Variants in PDGFRL observed in about 807,000 individuals in gnomAD.
PDGFRL encodes platelet derived growth factor receptor like.
Under a neutral mutation model 37.2 loss-of-function variants are expected in PDGFRL, and 46 were observed. That is an observed-to-expected ratio of 1.24 (90% CI 0.98 to 1.58). The LOEUF (loss-of-function observed/expected upper bound fraction) is 1.58. PDGFRL is among the 40% of genes most tolerant of loss of function. PDGFRL has a pLI of 0.00. For missense variants in PDGFRL, 692 were observed against 467.6 expected, an observed-to-expected ratio of 1.48 and a Z score of -4.43; for synonymous variants, 251 against 184.3, an observed-to-expected ratio of 1.36 and a Z score of -2.93.
chr8:17,590,150 G>A (rs112570977), intron 2 of PDGFRL, among the ~76,000 whole-genome samples: 16,413 of 148,138 alleles, frequency 0.11, 1,533 homozygotes, highest in African/African-American at 0.26. Context: ...AGAATGGTGC[G>A]AACCTGGGAG....
intron 3 of PDGFRL, among the ~76,000 whole-genome samples, chr8:17,625,756 A>C (rs1804721572): frequency 6.6e-6 from 1 of 152,234 alleles, no homozygotes; most frequent in African/African-American, 2.4e-5. Flanking sequence ...TGGGAGGCCA[A>C]GGCAGGAGGA....
intron 2 of PDGFRL, among the ~76,000 whole-genome samples, chr8:17,610,584 G>A (rs2129714618): frequency 6.6e-6 from 1 of 152,220 alleles, no homozygotes; most frequent in East Asian, 1.9e-4. Context: ...TGAGTTATAT[G>A]GTCACAAAGT....
chr8:17,592,226 C>A lies in PDGFRL; in HGVS notation c.353+2461C>A, dbSNP rs2720581. ...ATGAAAAGTAATGATGAAAAACCAC[C>A]ATTGCTTTTGCGCCAACCTAATACA... On this transcript the variant is annotated intron_variant, in intron 2 of 5. Coordinates refer to ENST00000251630, the MANE Select transcript of PDGFRL (RefSeq NM_001372073.1). Among the ~76,000 whole-genome samples, 39 of 152,256 alleles carry A rather than the reference C, an allele frequency of 2.6e-4. No homozygotes were observed. In the East Asian group the frequency reaches 5.8e-3, roughly 23 times the overall value.
At chr8:17,582,177 G>T (rs1440390331) in intron 1 of PDGFRL, among the ~76,000 whole-genome samples, 1 of 152,144 alleles carries the variant, frequency 6.6e-6, no homozygotes, top group African/African-American at 2.4e-5. Context: ...TGGCTGCATT[G>T]TGTCCATGCC....
At chr8:17,635,612 A>G (rs1170682711) in intron 5 of PDGFRL, among the ~76,000 whole-genome samples, 1 of 152,126 alleles carries the variant, frequency 6.6e-6, no homozygotes, top group Non-Finnish European at 1.5e-5. Flanking sequence ...TTTTCATATT[A>G]TGACTTCTTT....
At chr8:17,609,512 C>T in intron 2 of PDGFRL, among the ~76,000 whole-genome samples, 1 of 150,504 alleles carries the variant, frequency 6.6e-6, no homozygotes, top group South Asian at 2.1e-4. Context: ...GTGGCGTGCA[C>T]CTGTAATCCT....
At chr8:17,586,730 C>G (rs1009763824) in intron 1 of PDGFRL, among the ~76,000 whole-genome samples, 8 of 152,164 alleles carry the variant, frequency 5.3e-5, no homozygotes, top group Admixed American at 2.0e-4. Context: ...ACTCATTTAA[C>G]TCCCACAGTA....
chr8:17,585,618 A>G (rs907141573), intron 1 of PDGFRL, among the ~76,000 whole-genome samples: 75 of 152,156 alleles, frequency 4.9e-4, no homozygotes, highest in African/African-American at 1.4e-3. Context: ...AGAAGAATGT[A>G]TGGTGTGGTT....
At chr8:17,628,945 C>T (rs573001670) in intron 4 of PDGFRL, among the ~76,000 whole-genome samples, 165 bp downstream of exon 4, 2 of 151,850 alleles carry the variant, frequency 1.3e-5, no homozygotes, top group East Asian at 3.9e-4. Flanking sequence ...GAGACAGGGT[C>T]CCGTTTTGTT....
At position 17,620,905 on chromosome 8, in the gene PDGFRL, C is replaced by T. The variant is rs1804616737; in HGVS notation, c.354-146C>T. On this transcript the variant is annotated intron_variant, in intron 2 of 5. Coordinates refer to ENST00000251630, the MANE Select transcript of PDGFRL (RefSeq NM_001372073.1). ...TACTTTAAGTTCTAGGGGTGTTTGA[C>T]AAGTCAAACACATTCTTATATTACT... is the stretch of plus-strand genomic sequence containing the variant. 9.8e-6 allele frequency: 4 copies of T among 406,188 alleles called. No homozygotes were observed. The Admixed American group carries it at 1.8e-4, about 18-fold the overall frequency. The allele number at this position is 406,188 out of a possible 1,614,324, so 25.2% of individuals were successfully genotyped here.
At chr8:17,642,521 C>T in intron 5 of PDGFRL, 92 bp from the exon 6 acceptor site, 2 of 762,180 alleles carry the variant, frequency 2.6e-6, no homozygotes, top group South Asian at 3.0e-5. Context: ...GCTTTGCTCT[C>T]TGAAAGGAAC....
intron 3 of PDGFRL, among the ~76,000 whole-genome samples, chr8:17,621,929 T>C (rs1804644479): frequency 6.6e-6 from 1 of 152,196 alleles, no homozygotes; most frequent in Non-Finnish European, 1.5e-5. Flanking sequence ...TGCTTCGGTC[T>C]CCCAAATTGC....
chr8:17,577,958 G>A (rs1585292348), intron 1 of PDGFRL, among the ~76,000 whole-genome samples: 2 of 151,878 alleles, frequency 1.3e-5, no homozygotes, highest in South Asian at 4.2e-4. Context: ...ACAGCTTATG[G>A]GACCATGACC....
intron 2 of PDGFRL, among the ~76,000 whole-genome samples, chr8:17,597,171 C>T (rs1804071846): frequency 6.6e-6 from 1 of 152,192 alleles, no homozygotes; most frequent in African/African-American, 2.4e-5. Flanking sequence ...CAGGTATCTG[C>T]CGCCACACCT....
intron 1 of PDGFRL, among the ~76,000 whole-genome samples, chr8:17,588,200 G>A (rs1053530336): frequency 6.6e-6 from 1 of 152,138 alleles, no homozygotes; most frequent in Non-Finnish European, 1.5e-5. Flanking sequence ...CATTTTGTTG[G>A]TGAAATTCTA....
intron 1 of PDGFRL, among the ~76,000 whole-genome samples, chr8:17,583,023 A>T (rs1369525823): frequency 1.3e-5 from 2 of 152,146 alleles, no homozygotes; most frequent in African/African-American, 4.8e-5. Context: ...AGAGGCCAAT[A>T]AGCAGAACAG....
Position 17,642,711 on chromosome 8 carries a change from C to G in PDGFRL, c.1038C>G (p.Asp346Glu), listed in dbSNP as rs1033611829. The change falls in exon 6 of 6, where the codon GAC (aspartate) becomes GAG (glutamate). Residue 346 changes from aspartate to glutamate, a missense_variant. By Grantham distance (45) the Asp-to-Glu change is conservative. Transcript: ENST00000251630. ...CCCAGAGTGTCATTACAGTGGAAGA[C>G]TTTGAGACGATTGATGCAGGATATT... is the stretch of plus-strand genomic sequence containing the variant. The part of the protein sequence containing the change: ...RISQSVITVE[D>E]FETIDAGYYI... 8.7e-6 allele frequency: 14 copies of G among 1,605,104 alleles called. No individual in the cohort carries two copies. The highest frequency in any genetic ancestry group is 1.2e-5 in the Non-Finnish European group (14 of 1,171,786).
rs141051007 is a variant in PDGFRL at position 17,614,488 on chromosome 8, C to T, written c.354-6563C>T. Among the ~76,000 whole-genome samples, 77 of 152,314 alleles carry T rather than the reference C, an allele frequency of 5.1e-4. No homozygotes were observed. In the East Asian group the frequency reaches 0.011, roughly 22 times the overall value. ...CAAGCAAATACCCACGAGTCTTTAT[C>T]GCTCTTGATTCTTGGCACAGTTCCT... is the stretch of plus-strand genomic sequence containing the variant. On this transcript the variant is annotated intron_variant, in intron 2 of 5. Transcript: ENST00000251630.
At chr8:17,584,545 A>C (rs1025567830) in intron 1 of PDGFRL, among the ~76,000 whole-genome samples, 2 of 152,056 alleles carry the variant, frequency 1.3e-5, no homozygotes, top group African/African-American at 4.8e-5. Context: ...CCACAGACTG[A>C]AGAGTTGTCA....
Sources: allele counts gnomAD v4.1 joint callset (sites outside exome capture counted in the v4.1 genomes callset), GRCh38; gene constraint gnomAD v4.1.1; transcripts MANE v1.5; gene names NCBI Gene and HGNC (gene_info 2026-07-23, HGNC 2026-07-21).